RBM20: variants seen among roughly 807,000 people sequenced by gnomAD.
RBM20 encodes the protein RNA-binding protein 20.
RBM20 carries 51 observed loss-of-function variants against 110.1 expected under a neutral mutation model. That is an observed-to-expected ratio of 0.46 (90% CI 0.37 to 0.59). The LOEUF (loss-of-function observed/expected upper bound fraction) is 0.59, where lower values mean the gene tolerates loss of function less well. Ranked by LOEUF, RBM20 falls within the 20% of genes least tolerant of loss-of-function variation. The pLI is 0.00. For synonymous variants in RBM20, 589 were observed against 618.2 expected, an observed-to-expected ratio of 0.95 and a Z score of 0.70; for missense variants, 1,512 against 1,574.9, an observed-to-expected ratio of 0.96 and a Z score of 0.68.
chr10:110,743,937 G>A (rs1398202498), intron 1 of RBM20, among the ~76,000 whole-genome samples: 1 of 152,104 alleles, frequency 6.6e-6, no homozygotes, highest in Non-Finnish European at 1.5e-5. Flanking sequence ...TTTATTTGGT[G>A]TTCCTTGTTG....
At chr10:110,787,936 G>A (rs1212230493) in intron 5 of RBM20, among the ~76,000 whole-genome samples, 1 of 152,132 alleles carries the variant, frequency 6.6e-6, no homozygotes, top group Non-Finnish European at 1.5e-5. Flanking sequence ...TATGTTCTTA[G>A]CATTTTTGTT....
At chr10:110,787,588 G>C (rs1488875942) in intron 5 of RBM20, among the ~76,000 whole-genome samples, 3 of 152,210 alleles carry the variant, frequency 2.0e-5, no homozygotes, top group Admixed American at 6.5e-5. Context: ...GAGATGTTTT[G>C]AGGTTCCCAT....
At position 110,732,307 on chromosome 10, in the gene RBM20, T is replaced by C. The variant is rs575375493; in HGVS notation, c.192-48494T>C. Among the ~76,000 whole-genome samples the C allele has an allele frequency of 2.0e-5, 3 of 152,302 alleles. No homozygotes were observed. In the East Asian group the frequency reaches 5.8e-4, roughly 29 times the overall value. Reference sequence around the variant, plus strand: ...TCTTTCTCTGACGCGCTGTCAGTCATGGTTATTTCTCAGTTCCTCCATGCT... The same window carrying C: ...TCTTTCTCTGACGCGCTGTCAGTCACGGTTATTTCTCAGTTCCTCCATGCT... On this transcript the variant is annotated intron_variant, in intron 1 of 13. Transcript: ENST00000369519.
chr10:110,708,248 T>C (rs542074173), intron 1 of RBM20, among the ~76,000 whole-genome samples: 27 of 152,302 alleles, frequency 1.8e-4, no homozygotes, highest in Non-Finnish European at 3.4e-4. Context: ...CATTTTGCAG[T>C]GTGCCCTGCA....
intron 1 of RBM20, among the ~76,000 whole-genome samples, chr10:110,757,045 A>G (rs149402038): frequency 7.2e-5 from 11 of 152,344 alleles, no homozygotes; most frequent in African/African-American, 2.4e-4. Context: ...ATATACTGCC[A>G]AAGTTTCTCC....
chr10:110,737,920 TG>T lies in RBM20; in HGVS notation c.192-42877del, dbSNP rs371367652. ...TACACATTTCTGCCAGGTATACACC[TG>T]GGGTGGAATTGCTGGGTTGTTAAAT... On this transcript the variant is annotated intron_variant, in intron 1 of 13. Transcript: ENST00000369519. Among the ~76,000 whole-genome samples, 507 of 152,328 alleles carry T rather than the reference TG, an allele frequency of 3.3e-3. 2 individuals carry two copies. The highest frequency in any genetic ancestry group is 4.9e-3 in the Non-Finnish European group (335 of 68,028).
intron 1 of RBM20, among the ~76,000 whole-genome samples, chr10:110,651,664 G>A (rs1357754905): frequency 2.0e-5 from 3 of 152,172 alleles, no homozygotes; most frequent in South Asian, 2.1e-4. Context: ...ACAGGAGCAC[G>A]GCTGTGGCTA....
chr10:110,764,418 C>T (rs1844052061), intron 1 of RBM20, among the ~76,000 whole-genome samples: 1 of 152,224 alleles, frequency 6.6e-6, no homozygotes, highest in Non-Finnish European at 1.5e-5. Flanking sequence ...GAAGTGCTCT[C>T]AGGAGACCTG....
At chr10:110,804,823 T>G (rs2135089734) in intron 7 of RBM20, among the ~76,000 whole-genome samples, 1 of 152,346 alleles carries the variant, frequency 6.6e-6, no homozygotes, top group East Asian at 1.9e-4. Flanking sequence ...AACCAGTGTC[T>G]CCCAGTCACT....
chr10:110,775,762 G>A (rs530990317), intron 1 of RBM20, among the ~76,000 whole-genome samples: 27 of 152,302 alleles, frequency 1.8e-4, no homozygotes, highest in South Asian at 1.4e-3. Context: ...GACAGGAACC[G>A]TCTTTAAAAG....
At chr10:110,698,196 C>G (rs941866234) in intron 1 of RBM20, among the ~76,000 whole-genome samples, 1 of 152,208 alleles carries the variant, frequency 6.6e-6, no homozygotes, top group South Asian at 2.1e-4. Context: ...GCGTGAGCCA[C>G]CGCGCCCGGC....
intron 1 of RBM20, among the ~76,000 whole-genome samples, chr10:110,697,326 T>C (rs575432710): frequency 6.6e-6 from 1 of 152,320 alleles, no homozygotes; most frequent in South Asian, 2.1e-4. Flanking sequence ...AGCTGCACTT[T>C]TGTTACTTGC....
chr10:110,670,781 A>G (rs1254338813), intron 1 of RBM20, among the ~76,000 whole-genome samples: 1 of 152,218 alleles, frequency 6.6e-6, no homozygotes, highest in African/African-American at 2.4e-5. Context: ...GCATAACAAC[A>G]CGACTGTAAC....
At chr10:110,688,560 G>A (rs1301334913) in intron 1 of RBM20, among the ~76,000 whole-genome samples, 2 of 152,060 alleles carry the variant, frequency 1.3e-5, no homozygotes, top group African/African-American at 4.8e-5. Flanking sequence ...AAGTAAAGCA[G>A]ATATAGTTCT....
At chr10:110,723,618 T>C (rs888490963) in intron 1 of RBM20, among the ~76,000 whole-genome samples, 7 of 152,262 alleles carry the variant, frequency 4.6e-5, no homozygotes, top group Admixed American at 1.3e-4. Flanking sequence ...TCAGCCATTC[T>C]AGTGGATATG....
chr10:110,810,609 T>C (rs1391358440), intron 8 of RBM20, 147 bp downstream of exon 8: 1 of 576,308 alleles, frequency 1.7e-6, no homozygotes, highest in African/African-American at 1.9e-5. Flanking sequence ...CACTTTTCCA[T>C]GTTCCCCATG....
At chr10:110,689,560 A>G (rs897108141) in intron 1 of RBM20, among the ~76,000 whole-genome samples, 1 of 152,214 alleles carries the variant, frequency 6.6e-6, no homozygotes, top group African/African-American at 2.4e-5. Context: ...TTACAGTTCC[A>G]TCATGTATAA....
chr10:110,810,553 G>A, intron 8 of RBM20, 91 bp downstream of exon 8: 1 of 920,894 alleles, frequency 1.1e-6, no homozygotes, highest in South Asian at 1.6e-5. Flanking sequence ...GAGTCATGCT[G>A]TGCCCTGTTC....
chr10:110,776,582 T>C (rs1279975989), intron 1 of RBM20, among the ~76,000 whole-genome samples: 3 of 152,232 alleles, frequency 2.0e-5, no homozygotes, highest in Non-Finnish European at 4.4e-5. Flanking sequence ...CTCTCTGACT[T>C]CTGTTTCCAT....
Sources: allele counts gnomAD v4.1 joint callset (sites outside exome capture counted in the v4.1 genomes callset), GRCh38; gene constraint gnomAD v4.1.1; transcripts MANE v1.5; gene names NCBI Gene and HGNC (gene_info 2026-07-23, HGNC 2026-07-21).